WASHC5: variants seen among roughly 807,000 people sequenced by gnomAD.
WASHC5 encodes WASH complex subunit strumpellin.
Under a neutral mutation model 150.4 loss-of-function variants are expected in WASHC5, and 101 were observed. The ratio of observed to expected loss-of-function variants is 0.67; its 90% confidence interval spans 0.57 to 0.79. WASHC5 has a LOEUF of 0.79. WASHC5 is among the 30% of genes least tolerant of loss of function. The pLI is 0.00. For synonymous variants in WASHC5, 467 were observed against 491.2 expected (o/e 0.95, Z 0.65); for missense variants, 1,195 against 1,396.3 (o/e 0.86, Z 2.30).
chr8:125,086,281 TG>T, intron 1 of WASHC5, among the ~76,000 whole-genome samples: 1 of 152,174 alleles, frequency 6.6e-6, no homozygotes, highest in Non-Finnish European at 1.5e-5. Flanking sequence ...ATTTTCCTCC[TG>T]TGTCTTCGCA....
In WASHC5 at chr8:125,090,125, T is replaced by C. The variant is rs1817557806; in HGVS notation, c.-125+1490A>G. On this transcript the variant is annotated intron_variant, in intron 1 of 28. Coordinates refer to ENST00000318410, the MANE Select transcript of WASHC5 (RefSeq NM_014846.4). The stretch of plus-strand genomic sequence containing the variant: ...AGATTAGCTGAAAGAAGGAAATCAC[T>C]TAGTTACATTTTATGTACTAGACCT... 2.0e-5 allele frequency among the ~76,000 whole-genome samples: 3 copies of C among 152,362 alleles called. No homozygotes were observed. In the East Asian group the frequency reaches 5.8e-4, roughly 29 times the overall value.
At chr8:125,058,466 G>A (rs4570179) in intron 14 of WASHC5, among the ~76,000 whole-genome samples, 16,933 of 152,058 alleles carry the variant, frequency 0.11, 2,218 homozygotes, top group African/African-American at 0.31. Context: ...CATTGAGTAG[G>A]CTGGGCGTGG....
chr8:125,057,726 T>C (rs1816455706), intron 14 of WASHC5, 60 bp from the exon 15 acceptor site: 2 of 1,100,374 alleles, frequency 1.8e-6, no homozygotes, highest in African/African-American at 1.5e-5. Context: ...GAAATCTTTC[T>C]TTCCAGAAAA....
chr8:125,033,135 C>T (rs927817754), intron 26 of WASHC5, among the ~76,000 whole-genome samples: 1 of 152,216 alleles, frequency 6.6e-6, no homozygotes, highest in Non-Finnish European at 1.5e-5. Context: ...CATGGGAAAC[C>T]AGAGACAGAG....
chr8:125,070,876 A>G (rs1252808045), intron 9 of WASHC5, among the ~76,000 whole-genome samples: 2 of 152,248 alleles, frequency 1.3e-5, no homozygotes, highest in Non-Finnish European at 2.9e-5. Context: ...TTTCAAAGAT[A>G]CGAAGGATGA....
At position 125,088,382 on chromosome 8, in the gene WASHC5, A is replaced by G. The variant is rs1258787278; in HGVS notation, c.-125+3233T>C. Among the ~76,000 whole-genome samples, 125 of 146,954 alleles carry G rather than the reference A, an allele frequency of 8.5e-4. 3 individuals are homozygous for G. The highest frequency in any genetic ancestry group is 3.3e-4 in the Non-Finnish European group (22 of 66,858). ...GGAGGTTGCAGTGAACCGAGATTGC[A>G]CCACTGCACTCCAGCCTGGGTGACA... is the stretch of plus-strand genomic sequence containing the variant. On this transcript the variant is annotated intron_variant, in intron 1 of 28. Coordinates refer to ENST00000318410, the MANE Select transcript of WASHC5 (RefSeq NM_014846.4).
chr8:125,032,265 C>G lies in WASHC5; in HGVS notation c.3311G>C (p.Cys1104Ser). ...QFLALIGQFICSTVEQCTSQK... is the reference protein window; with the variant it reads ...QFLALIGQFISSTVEQCTSQK... ...CCTTGTACACTGCTCCACCGTGGAG[C>G]AGATAAACTGGCCAATCAGCGCCAG... Residue 1104 changes from cysteine (C) to serine (S), a missense_variant, in exon 27 of 29, where the codon TGC (cysteine) becomes TCC (serine). By Grantham distance (112) the Cys-to-Ser change is moderately radical. Around this residue, in one of 3 missense-constraint regions of WASHC5, gnomAD observed 997 missense variants for 1,168.1 expected, o/e 0.85. Coordinates refer to ENST00000318410, the MANE Select transcript of WASHC5 (RefSeq NM_014846.4). The G allele has an allele frequency of 1.2e-6, 2 of 1,614,158 alleles. No homozygotes were observed. The highest frequency in any genetic ancestry group is 1.7e-6 in the Non-Finnish European group (2 of 1,180,018).
intron 24 of WASHC5, 78 bp downstream of exon 24, chr8:125,039,717 A>G (rs778801994): frequency 5.2e-6 from 5 of 956,110 alleles, no homozygotes; most frequent in Non-Finnish European, 6.8e-6. Flanking sequence ...TTAAAAGAGT[A>G]AGAACTGAAG....
chr8:125,052,238 C>T (rs1287515802), intron 17 of WASHC5, among the ~76,000 whole-genome samples: 1 of 152,148 alleles, frequency 6.6e-6, no homozygotes, highest in Non-Finnish European at 1.5e-5. Context: ...ATATTCCTTA[C>T]AAGAACAGAT....
At chr8:125,076,294 GAAGT>G in intron 7 of WASHC5, 50 bp downstream of exon 7, 8 of 1,545,830 alleles carry the variant, frequency 5.2e-6, no homozygotes, top group Non-Finnish European at 5.4e-6. Flanking sequence ...AAAAGAATGG[GAAGT>G]TAGTTCTCTA....
chr8:125,038,998 T>C, intron 24 of WASHC5, 39 bp from the exon 25 acceptor site: 1 of 1,600,220 alleles, frequency 6.2e-7, no homozygotes, highest in East Asian at 2.2e-5. Flanking sequence ...CATTAGTGAG[T>C]AAATGAATTT....
chr8:125,069,071 G>C (rs986629628), intron 9 of WASHC5, among the ~76,000 whole-genome samples: 10 of 152,242 alleles, frequency 6.6e-5, no homozygotes, highest in Non-Finnish European at 5.9e-5. Flanking sequence ...TTGCCATTGT[G>C]TCAGCGTTAA....
chr8:125,071,826 G>A (rs1405517571), intron 9 of WASHC5, among the ~76,000 whole-genome samples: 1 of 152,276 alleles, frequency 6.6e-6, no homozygotes, highest in South Asian at 2.1e-4. Flanking sequence ...TCTGAGATGG[G>A]GCTCACTGGG....
intron 28 of WASHC5, among the ~76,000 whole-genome samples, chr8:125,026,445 T>G (rs1815381735): frequency 1.3e-5 from 2 of 151,700 alleles, no homozygotes; most frequent in East Asian, 3.8e-4. Flanking sequence ...ATCAAGTCTC[T>G]AAATCTTTTT....
At chr8:125,049,770 G>C (rs1484129946) in intron 18 of WASHC5, among the ~76,000 whole-genome samples, 1 of 151,832 alleles carries the variant, frequency 6.6e-6, no homozygotes, top group Non-Finnish European at 1.5e-5. Context: ...GAACCCAGGA[G>C]GCAGAGGTTG....
In WASHC5 at chr8:125,032,248, A is replaced by G. The variant is rs766863272; in HGVS notation, c.3328T>C (p.Cys1110Arg). ...GQFICSTVEQ[C>R]TSQKIPEIPA... ...CTGGTTGGTCTTCTGTACCTTGTAC[A>G]CTGCTCCACCGTGGAGCAGATAAAC... The change falls in exon 27 of 29, where the codon TGT becomes CGT. Residue 1110 changes from cysteine to arginine, a missense_variant. Physicochemically the swap from Cys to Arg is radical, Grantham distance 180. Coordinates refer to ENST00000318410, the MANE Select transcript of WASHC5 (RefSeq NM_014846.4). 7.4e-6 allele frequency: 12 copies of G among 1,613,962 alleles called. No individual in the cohort carries two copies. In the African/African-American group the frequency reaches 1.5e-4, roughly 20 times the overall value.
intron 16 of WASHC5, 64 bp from the exon 17 acceptor site, chr8:125,055,735 A>C: frequency 1.0e-6 from 1 of 1,000,360 alleles, no homozygotes; most frequent in Non-Finnish European, 1.6e-6. Flanking sequence ...AACAAAGATA[A>C]CAGGAAAAGA....
At chr8:125,050,431 T>C in intron 18 of WASHC5, 133 bp downstream of exon 18, 2 of 570,106 alleles carry the variant, frequency 3.5e-6, no homozygotes, top group Non-Finnish European at 6.4e-6. Flanking sequence ...CAGTTGTTTG[T>C]GTTGAAAATC....
intron 23 of WASHC5, among the ~76,000 whole-genome samples, chr8:125,043,024 C>T (rs1050555870): frequency 6.6e-6 from 1 of 152,206 alleles, no homozygotes; most frequent in Admixed American, 6.5e-5. Context: ...GACTTTTCTA[C>T]AGTATGTGAT....
Sources: allele counts gnomAD v4.1 joint callset (sites outside exome capture counted in the v4.1 genomes callset), GRCh38; gene constraint gnomAD v4.1.1; regional missense constraint gnomAD v4.1.1; transcripts MANE v1.5; gene names NCBI Gene and HGNC (gene_info 2026-07-23, HGNC 2026-07-21).